PI4K2B: variants seen among roughly 807,000 people sequenced by gnomAD.
PI4K2B encodes the protein phosphatidylinositol 4-kinase type 2 beta.
PI4K2B carries 46 observed loss-of-function variants against 56.6 expected under a neutral mutation model. The ratio of observed to expected loss-of-function variants is 0.81; its 90% confidence interval spans 0.64 to 1.04. The LOEUF (loss-of-function observed/expected upper bound fraction) is 1.04. PI4K2B is among the 50% of genes least tolerant of loss of function. PI4K2B has a pLI of 0.00. For missense variants in PI4K2B, 556 were observed against 607.7 expected (o/e 0.91, Z 0.89); for synonymous variants, 211 against 223.8 (o/e 0.94, Z 0.51).
At chr4:25,274,898 C>T (rs1345208319) in intron 9 of PI4K2B, among the ~76,000 whole-genome samples, 2 of 152,136 alleles carry the variant, frequency 1.3e-5, no homozygotes, top group Admixed American at 6.5e-5. Flanking sequence ...CAGGTTCAAG[C>T]GATCCTTGTG....
At position 25,256,575 on chromosome 4, in the gene PI4K2B, T is replaced by C; in HGVS notation, c.657T>C (p.Tyr219=). The C allele has an allele frequency of 6.2e-7, 1 of 1,613,856 alleles. No homozygotes were observed. The highest frequency in any genetic ancestry group is 8.5e-7 in the Non-Finnish European group (1 of 1,179,876). The change falls in exon 4 of 10, where the codon TAT becomes TAC. Residue 219 remains tyrosine, a synonymous_variant. Coordinates refer to ENST00000264864, the MANE Select transcript of PI4K2B (RefSeq NM_018323.4). ...VVWLVSETFN[Y]NAIDRAKSRG... ...GGCTTGTCAGTGAGACATTTAACTATAATGCGATTGACCGTGCAAAATCAA... is the reference window on the plus strand; with the variant it reads ...GGCTTGTCAGTGAGACATTTAACTACAATGCGATTGACCGTGCAAAATCAA...
chr4:25,236,792 AT>A (rs1017385678), intron 1 of PI4K2B, among the ~76,000 whole-genome samples: 4 of 152,166 alleles, frequency 2.6e-5, no homozygotes, highest in African/African-American at 4.8e-5. Flanking sequence ...TTATAAAATA[AT>A]TGTGTCTGTG....
Position 25,234,077 on chromosome 4 carries a change from CG to C in PI4K2B, c.-86del. On this transcript the variant is annotated 5_prime_UTR_variant, in exon 1 of 10. Transcript: ENST00000264864. ...TGAGGTGGCGTCCGTTCTACCCGGT[CG>C]CTCCCGTTCCGCGCCATGCAGAGCC... 8.9e-7 allele frequency: 1 copy of C among 1,120,370 alleles called. No individual in the cohort carries two copies. The allele number at this position is 1,120,370 out of a possible 1,614,324, so 69.4% of individuals were successfully genotyped here.
chr4:25,252,543 A>G, intron 2 of PI4K2B, 68 bp downstream of exon 2: 1 of 980,048 alleles, frequency 1.0e-6, no homozygotes, highest in Non-Finnish European at 1.6e-6. Context: ...ATATGAAATC[A>G]TTGTGAGTTT....
intron 7 of PI4K2B, chr4:25,267,775 G>C: frequency 1.0e-6 from 1 of 981,138 alleles, no homozygotes; most frequent in Non-Finnish European, 1.2e-6. Context: ...GAGAATTAGA[G>C]ATAGCTTAGA....
chr4:25,240,249 C>G (rs938748897), intron 1 of PI4K2B, among the ~76,000 whole-genome samples: 4 of 152,170 alleles, frequency 2.6e-5, no homozygotes, highest in Non-Finnish European at 2.9e-5. Flanking sequence ...AAAAATAACA[C>G]TCTTCCCCTA....
chr4:25,234,530 G>C, intron 1 of PI4K2B, 99 bp downstream of exon 1: 3 of 861,184 alleles, frequency 3.5e-6, no homozygotes, highest in Non-Finnish European at 4.6e-6. Context: ...CGAGGTGGAC[G>C]GGCTTTCCCC....
chr4:25,264,209 C>G (rs1243331518), intron 7 of PI4K2B, among the ~76,000 whole-genome samples: 2 of 152,174 alleles, frequency 1.3e-5, no homozygotes, highest in African/African-American at 4.8e-5. Flanking sequence ...CTGCCCTCCA[C>G]CTGACCTCAT....
chr4:25,236,172 G>A (rs1352516630), intron 1 of PI4K2B, among the ~76,000 whole-genome samples: 1 of 150,520 alleles, frequency 6.6e-6, no homozygotes, highest in East Asian at 1.9e-4. Context: ...CTCCAGCCTG[G>A]TTCTGTCTTG....
intron 2 of PI4K2B, among the ~76,000 whole-genome samples, chr4:25,252,759 C>T (rs1027524385): frequency 2.6e-5 from 4 of 151,938 alleles, no homozygotes; most frequent in African/African-American, 7.2e-5. Flanking sequence ...ACCATAGTTG[C>T]GTGCCACCAC....
chr4:25,238,145 T>G (rs927649436), intron 1 of PI4K2B, among the ~76,000 whole-genome samples: 9 of 152,236 alleles, frequency 5.9e-5, no homozygotes, highest in African/African-American at 2.2e-4. Flanking sequence ...TGGAGTAAGA[T>G]TACACAAGAT....
chr4:25,263,138 C>T (rs550756277), intron 6 of PI4K2B, among the ~76,000 whole-genome samples: 225 of 152,222 alleles, frequency 1.5e-3, no homozygotes, highest in African/African-American at 5.1e-3. Context: ...CCCCATGATC[C>T]GATTACCTCC....
intron 1 of PI4K2B, among the ~76,000 whole-genome samples, chr4:25,246,998 C>T (rs1471919000): frequency 3.3e-5 from 5 of 152,252 alleles, no homozygotes; most frequent in African/African-American, 1.2e-4. Context: ...GCACCTGTCC[C>T]TCCACACCTC....
intron 1 of PI4K2B, among the ~76,000 whole-genome samples, chr4:25,238,730 G>T (rs1023257130): frequency 1.3e-5 from 2 of 152,194 alleles, no homozygotes; most frequent in African/African-American, 4.8e-5. Flanking sequence ...GACCTTTGCG[G>T]TGAGTGTTAC....
Position 25,252,483 on chromosome 4 carries a change from T to C in PI4K2B, c.423+8T>C. On this transcript the variant is annotated splice_region_variant and intron_variant, in intron 2 of 9. Coordinates refer to ENST00000264864, the MANE Select transcript of PI4K2B (RefSeq NM_018323.4). ...GTGAAGGATCCTAAGAGGGTGAGAATTTCACAGACCTATTATATGTAATGG... is the reference window on the plus strand; with the variant it reads ...GTGAAGGATCCTAAGAGGGTGAGAACTTCACAGACCTATTATATGTAATGG... 1.3e-6 allele frequency: 2 copies of C among 1,554,682 alleles called. No individual in the cohort carries two copies. The highest frequency in any genetic ancestry group is 1.8e-6 in the Non-Finnish European group (2 of 1,126,516).
intron 1 of PI4K2B, among the ~76,000 whole-genome samples, chr4:25,235,906 C>G (rs918106888): frequency 2.0e-5 from 3 of 152,062 alleles, no homozygotes; most frequent in African/African-American, 7.2e-5. Context: ...CCCATCCCAG[C>G]ATTTTGGGAG....
At chr4:25,234,573 G>C (rs113942453) in intron 1 of PI4K2B, 142 bp downstream of exon 1, 1 of 549,002 alleles carries the variant, frequency 1.8e-6, no homozygotes, top group Non-Finnish European at 2.7e-6. Flanking sequence ...AGCTCGGACC[G>C]GCGCCAGCCG....
intron 6 of PI4K2B, among the ~76,000 whole-genome samples, chr4:25,262,485 A>G (rs115119422): frequency 0.013 from 2,008 of 152,358 alleles, 18 homozygotes; most frequent in Middle Eastern, 0.031. Context: ...GACATTTGAT[A>G]TAAACTAAAA....
chr4:25,275,891 C>G (rs1470836957), intron 9 of PI4K2B, among the ~76,000 whole-genome samples: 2 of 152,006 alleles, frequency 1.3e-5, no homozygotes, highest in South Asian at 2.1e-4. Context: ...ATTGCATGAG[C>G]CAGGAGTTCA....
Sources: gnomAD v4.1 joint callset for allele counts (sites outside exome capture counted in the v4.1 genomes callset) on GRCh38, gnomAD v4.1.1 for gene constraint, MANE v1.5 for transcripts, NCBI Gene and HGNC (gene_info 2026-07-23, HGNC 2026-07-21) for gene names.